ZNF462: variants seen among roughly 807,000 people sequenced by gnomAD.
ZNF462 encodes the protein zinc finger protein 462, also known as zinc finger PBX1-interacting protein.
In ZNF462, 10 loss-of-function variants were observed where a neutral mutation model predicts 201.9. The ratio of observed to expected loss-of-function variants is 0.05; its 90% CI spans 0.03 to 0.08. The LOEUF (loss-of-function observed/expected upper bound fraction) is 0.08, where lower values mean the gene tolerates loss of function less well. Ranked by LOEUF, ZNF462 falls within the 10% of genes least tolerant of loss-of-function variation. The pLI, the probability that ZNF462 is intolerant of heterozygous loss-of-function variation, is 1.00. For synonymous variants in ZNF462, 1,227 were observed against 1,193.3 expected, an observed-to-expected ratio of 1.03 and a Z score of -0.58; for missense variants, 2,523 against 3,168.3, an observed-to-expected ratio of 0.80 and a Z score of 4.89.
At chr9:106,989,992 CTTGTT>C (rs2132380216) in intron 10 of ZNF462, among the ~76,000 whole-genome samples, 1 of 151,922 alleles carries the variant, frequency 6.6e-6, no homozygotes, top group East Asian at 1.9e-4. Flanking sequence ...AAGAACCACT[CTTGTT>C]TTATTTATCT....
At position 106,954,576 on chromosome 9, in the gene ZNF462, A is replaced by G. The variant is rs906050420; in HGVS notation, c.6427+15469A>G. Among the ~76,000 whole-genome samples, 7 of 151,250 alleles carry G rather than the reference A, an allele frequency of 4.6e-5. No homozygotes were observed. The highest frequency in any genetic ancestry group is 2.0e-4 in the Admixed American group (3 of 15,170). ...ATACCCAGCCTTTTCTCTTTCCATC[A>G]GCTGCCTCATTCTCCCTATATTCTA... On this transcript the variant is annotated intron_variant, in intron 7 of 12. Transcript: ENST00000277225. The surrounding 1 kb of genome is among the most constrained non-coding windows in gnomAD (Gnocchi z 4.0).
chr9:106,934,519 GA>G (rs1830551142), intron 5 of ZNF462, among the ~76,000 whole-genome samples: 1 of 152,148 alleles, frequency 6.6e-6, no homozygotes, highest in Non-Finnish European at 1.5e-5. Flanking sequence ...TAGAAACAAG[GA>G]AATGAAGAAG....
chr9:106,875,572 C>T (rs762911453), intron 1 of ZNF462, among the ~76,000 whole-genome samples: 50 of 152,216 alleles, frequency 3.3e-4, no homozygotes, highest in Non-Finnish European at 6.2e-4. Context: ...ATCACCCCTT[C>T]CTTTCCTCCA....
At chr9:106,958,632 G>T (rs1831687017) in intron 7 of ZNF462, among the ~76,000 whole-genome samples, 1 of 152,094 alleles carries the variant, frequency 6.6e-6, no homozygotes, top group Admixed American at 6.6e-5. Context: ...ACTTAGCTGT[G>T]CCAGAAGTTC....
chr9:106,899,013 C>G (rs1828933931), intron 1 of ZNF462, among the ~76,000 whole-genome samples: 2 of 152,032 alleles, frequency 1.3e-5, no homozygotes, highest in Non-Finnish European at 2.9e-5. Flanking sequence ...CCAGATTATT[C>G]TACACAACCC....
rs558977687 is a variant in ZNF462 at position 106,963,122 on chromosome 9, A to G, written c.6428-8883A>G. Among the ~76,000 whole-genome samples, 56 of 152,230 alleles carry G rather than the reference A, an allele frequency of 3.7e-4. No homozygotes were observed. The highest frequency in any genetic ancestry group is 1.2e-3 in the African/African-American group (50 of 41,548). ...GGCTCTTCAGAGGAAATACTTGGAA[A>G]GTTGCATTGGTGATTTGTGGTTTTT... On this transcript the variant is annotated intron_variant, in intron 7 of 12. Coordinates refer to ENST00000277225, the MANE Select transcript of ZNF462 (RefSeq NM_021224.6). The surrounding 1 kb of genome is among the most constrained non-coding windows in gnomAD (Gnocchi z 4.7).
In ZNF462 at chr9:106,916,388, G is replaced by A. The variant is rs56408615; in HGVS notation, c.-30-6966G>A. On this transcript the variant is annotated intron_variant, in intron 1 of 12. Transcript: ENST00000277225. ...GTACTGCAGCTTCTGCTTACTCTGC[G>A]TCTTAATCAGTTCTGTAATGAAGAC... 3.9e-3 allele frequency among the ~76,000 whole-genome samples: 588 copies of A among 152,244 alleles called. 5 individuals carry two copies. The highest frequency in any genetic ancestry group is 6.1e-3 in the Non-Finnish European group (415 of 68,024).
At chr9:106,996,000 G>A (rs1026684499) in intron 10 of ZNF462, among the ~76,000 whole-genome samples, 7 of 152,052 alleles carry the variant, frequency 4.6e-5, no homozygotes, top group African/African-American at 1.4e-4. Flanking sequence ...AGTGTGTGAT[G>A]TTCCCCACCC....
Position 107,009,710 on chromosome 9 carries a change from A to G in ZNF462, c.7313+42A>G. On this transcript the variant is annotated intron_variant, in intron 12 of 12. Transcript: ENST00000277225. This position sits in a 1 kb window ranked among gnomAD's most constrained non-coding sequence, Gnocchi z 6.1. ...CAAGGATGCCTTTGTCCAAAGCAAG[A>G]GGTAGGGAGGGAGGGAGGGGCTCTT... 6.0e-6 allele frequency: 4 copies of G among 669,460 alleles called. No individual in the cohort carries two copies. The highest frequency in any genetic ancestry group is 7.6e-6 in the Non-Finnish European group (3 of 392,174). The allele number at this position is 669,460 out of a possible 1,614,324, so 41.5% of individuals were successfully genotyped here.
rs567777169 is a variant in ZNF462 at position 106,916,204 on chromosome 9, C to G, written c.-30-7150C>G. Among the ~76,000 whole-genome samples the G allele has an allele frequency of 5.3e-5, 8 of 152,268 alleles. No homozygotes were observed. In the South Asian group the frequency reaches 1.7e-3, roughly 32 times the overall value. ...TGGTTTCTGGATTCATTCACTGAATCTGTAAAATTGAGACTTGGTATGTTT... is the reference window on the plus strand; with the variant it reads ...TGGTTTCTGGATTCATTCACTGAATGTGTAAAATTGAGACTTGGTATGTTT... On this transcript the variant is annotated intron_variant, in intron 1 of 12. Coordinates refer to ENST00000277225, the MANE Select transcript of ZNF462 (RefSeq NM_021224.6).
At chr9:106,987,110 T>C (rs376088355) in intron 10 of ZNF462, among the ~76,000 whole-genome samples, 20 of 152,308 alleles carry the variant, frequency 1.3e-4, no homozygotes, top group African/African-American at 4.8e-4. Flanking sequence ...AATTGTGAAT[T>C]GTGCTGCTAT....
Position 106,880,415 on chromosome 9 carries a change from A to G in ZNF462, c.-31+17060A>G, listed in dbSNP as rs954585. On this transcript the variant is annotated intron_variant, in intron 1 of 12. Coordinates refer to ENST00000277225, the MANE Select transcript of ZNF462 (RefSeq NM_021224.6). The surrounding 1 kb of genome is among the most constrained non-coding windows in gnomAD (Gnocchi z 4.1). ...TTTTCCATAGTTGAGAAAACTTTGA[A>G]GTGGTGTTGGCTAAATGTAGGTACG... 0.48 allele frequency among the ~76,000 whole-genome samples: 73,097 copies of G among 152,112 alleles called. 21,496 individuals carry two copies. Among genetic ancestry groups the G allele is most frequent in the African/African-American group, 0.84 (34,808 of 41,488 alleles).
rs1564062712 is a variant in ZNF462 at position 106,864,094 on chromosome 9, CT to C, written c.-31+740del. Reference sequence around the variant, plus strand: ...TCTCTCTCTCTCTCTCTCTCTCTCTCTCTCTCTCTCTCTCTCCCTCTCCCCG... The same window carrying C: ...TCTCTCTCTCTCTCTCTCTCTCTCTCCTCTCTCTCTCTCTCCCTCTCCCCG... On this transcript the variant is annotated intron_variant, in intron 1 of 12. Transcript: ENST00000277225. Among the ~76,000 whole-genome samples, 219 of 130,006 alleles carry C rather than the reference CT, an allele frequency of 1.7e-3. 6 individuals carry two copies. Among genetic ancestry groups the C allele is most frequent in the African/African-American group, 3.2e-3 (109 of 34,250 alleles). The allele number at this position is 130,006 out of a possible 152,430, so 85.3% of individuals were successfully genotyped here.
chr9:106,908,025 T>A (rs1050864269), intron 1 of ZNF462, among the ~76,000 whole-genome samples: 26 of 152,216 alleles, frequency 1.7e-4, no homozygotes, highest in Non-Finnish European at 3.5e-4. Flanking sequence ...TTCTTTTTTT[T>A]AACATACCTT....
intron 7 of ZNF462, among the ~76,000 whole-genome samples, chr9:106,959,715 A>G (rs959920548): frequency 2.0e-5 from 3 of 152,236 alleles, no homozygotes; most frequent in Non-Finnish European, 4.4e-5. Flanking sequence ...AATAATTCTC[A>G]TAAGGTCATG....
chr9:106,927,204 T>TGGCCCCCCCCCCCCCCCCC lies in ZNF462; in HGVS notation c.3292_3293insGGCCCCCCCCCCCCCCCCC (p.Ser1098TrpfsTer21). 2 of 1,570,478 alleles carry TGGCCCCCCCCCCCCCCCCC rather than the reference T, an allele frequency of 1.3e-6. No homozygotes were observed. Among genetic ancestry groups the TGGCCCCCCCCCCCCCCCCC allele is most frequent in the Non-Finnish European group, 1.7e-6 (2 of 1,149,880 alleles). On this transcript the variant is annotated frameshift_variant, in exon 3 of 13. Transcript: ENST00000277225. LOFTEE classifies it high-confidence loss of function. ...GTCTCCCAAAATGTCCAACATGGGT[T>TGGCCCCCCCCCCCCCCCCC]CCCCACCCCCCCCACAACCCCCGCC...
At chr9:106,989,082 G>A (rs1422492228) in intron 10 of ZNF462, among the ~76,000 whole-genome samples, 2 of 152,118 alleles carry the variant, frequency 1.3e-5, no homozygotes, top group African/African-American at 4.8e-5. Context: ...ATGTTGAAGA[G>A]GAGTGGTGAG....
At chr9:106,976,959 C>T (rs1426879707) in intron 9 of ZNF462, among the ~76,000 whole-genome samples, 1 of 152,130 alleles carries the variant, frequency 6.6e-6, no homozygotes, top group Non-Finnish European at 1.5e-5. Context: ...ACCCACCAGG[C>T]GTCACTCTCT....
At chr9:106,946,518 G>GTTC (rs1298392355) in intron 7 of ZNF462, among the ~76,000 whole-genome samples, 45 of 152,240 alleles carry the variant, frequency 3.0e-4, no homozygotes, top group Non-Finnish European at 5.7e-4. Flanking sequence ...TTTCTGTTCT[G>GTTC]TGTGAGAGGA....
Sources: gnomAD v4.1 joint callset for allele counts (sites outside exome capture counted in the v4.1 genomes callset) on GRCh38, gnomAD v4.1.1 for gene constraint, Gnocchi (gnomAD v3.1) non-coding constraint, MANE v1.5 for transcripts, NCBI Gene and HGNC (gene_info 2026-07-23, HGNC 2026-07-21) for gene names.